The following IL17RD variants were observed in gnomAD, a reference collection of about 807,000 sequenced individuals.
The protein encoded by IL17RD is interleukin 17 receptor D, also known as interleukin-17 receptor D.
A neutral mutation model predicts 80.5 loss-of-function variants in IL17RD; 52 were observed. The observed-to-expected ratio is 0.65, with a 90% CI of 0.52 to 0.81. IL17RD has a LOEUF of 0.81. IL17RD is among the 40% of genes least tolerant of loss of function. The pLI, the probability that IL17RD is intolerant of heterozygous loss-of-function variation, is 0.00. For synonymous variants in IL17RD, 416 were observed against 391.8 expected, an observed-to-expected ratio of 1.06 and a Z score of -0.73; for missense variants, 1,024 against 955.1, an observed-to-expected ratio of 1.07 and a Z score of -0.95.
rs567835312 is a variant in IL17RD, at chr3:57,121,250, C to T, written c.127-937G>A. Among the ~76,000 whole-genome samples, 5 of 152,296 alleles carry T rather than the reference C, an allele frequency of 3.3e-5. No individual in the cohort carries two copies. The East Asian group carries it at 7.7e-4, about 24-fold the overall frequency. On this transcript the variant is annotated intron_variant, in intron 1 of 12. Transcript: ENST00000296318. ...GAAGGATGTTGGAGGGAACCATATG[C>T]GGGCAGCCTGGCATTTAATGGGTAA...
At chr3:57,105,552 A>AAAAAAAAATATATATATATAT in intron 7 of IL17RD, among the ~76,000 whole-genome samples, 3 of 63,586 alleles carry the variant, frequency 4.7e-5, no homozygotes, top group African/African-American at 2.8e-4. Context: ...AAAAAAAAAA[A>AAAAAAAAATATATATATATAT]ATATATATAT....
chr3:57,126,506 G>T (rs1707461727), intron 1 of IL17RD, among the ~76,000 whole-genome samples: 1 of 152,230 alleles, frequency 6.6e-6, no homozygotes, highest in African/African-American at 2.4e-5. Context: ...GAGGCCGGCA[G>T]CGGAGCAGGA....
At chr3:57,165,385 G>A (rs1315401136), upstream of IL17RD, 4 of 1,043,816 alleles carry the variant, frequency 3.8e-6, no homozygotes, top group Non-Finnish European at 3.6e-6. Flanking sequence ...CGGCGGCAGC[G>A]AAGGGGACCG....
chr3:57,094,337 G>A lies in IL17RD; in HGVS notation c.*2056C>T, dbSNP rs1201914206. The A allele has an allele frequency of 1.3e-5, 2 of 152,136 alleles. No individual in the cohort carries two copies. The highest frequency in any genetic ancestry group is 4.8e-5 in the African/African-American group (2 of 41,428). The allele number at this position is 152,136 out of a possible 1,614,324, so 9.4% of individuals were successfully genotyped here. On this transcript the variant is annotated 3_prime_UTR_variant, in exon 13 of 13. Transcript: ENST00000296318. ...TTGATTTTATTGATCAGAAACATTA[G>A]TATTTCAACATAAGTATCAAAACCC... is the stretch of plus-strand genomic sequence containing the variant.
rs760692099 is a variant in IL17RD at position 57,103,077 on chromosome 3, A to C, written c.868+14T>G. Reference sequence around the variant, plus strand: ...AGTAGTCTAGAGCCAAATTTCAAACAAAAAAGCACCTACCTGGCTTTAAGG... The same window carrying C: ...AGTAGTCTAGAGCCAAATTTCAAACCAAAAAGCACCTACCTGGCTTTAAGG... On this transcript the variant is annotated intron_variant, in intron 9 of 12. Transcript: ENST00000296318. The C allele has an allele frequency of 1.1e-5, 18 of 1,581,778 alleles. No homozygotes were observed. The African/African-American group carries it at 1.9e-4, about 17-fold the overall frequency.
In IL17RD at chr3:57,103,098, T is replaced by C. The variant is rs771583696; in HGVS notation, c.861A>G (p.Leu287=). 4.6e-5 allele frequency: 74 copies of C among 1,599,596 alleles called. No homozygotes were observed. The highest frequency in any genetic ancestry group is 6.1e-5 in the Non-Finnish European group (72 of 1,172,204). Residue 287 remains leucine, a synonymous_variant, in exon 9 of 13, where the codon TTA becomes TTG. Transcript: ENST00000296318. The stretch of plus-strand genomic sequence containing the variant: ...AAACAAAAAAGCACCTACCTGGCTT[T>C]AAGGCATAATGCATCACTTTTCTTG... ...NTTRKVMHYA[L]KPVHSPWAGP... is the part of the protein sequence containing the mutation.
chr3:57,116,575 A>G (rs1707221677), intron 2 of IL17RD, among the ~76,000 whole-genome samples: 5 of 152,076 alleles, frequency 3.3e-5, no homozygotes, highest in Admixed American at 2.6e-4. Flanking sequence ...GTGAGCCACC[A>G]TGCCTGGCCC....
At chr3:57,108,061 T>C (rs527651775) in intron 5 of IL17RD, among the ~76,000 whole-genome samples, 2 of 152,038 alleles carry the variant, frequency 1.3e-5, no homozygotes, top group South Asian at 4.2e-4. Context: ...TTTATTCCTT[T>C]TTTTTTTTTT....
In IL17RD at chr3:57,098,296, G is replaced by C; in HGVS notation, c.1407C>G (p.Ser469=). ...EKLRQAKQSS[S]AALSKFIAVY... ...CGGCGATAAACTTGCTGAGCGCCGC[G>C]GACGAACTCTGCTTGGCCTGGCGGA... is the stretch of plus-strand genomic sequence containing the variant. Residue 469 remains serine (S), a synonymous_variant, in exon 12 of 13, where the codon TCC becomes TCG. Transcript: ENST00000296318. The C allele has an allele frequency of 1.9e-6, 3 of 1,614,004 alleles. No homozygotes were observed. Among genetic ancestry groups the C allele is most frequent in the Non-Finnish European group, 1.7e-6 (2 of 1,179,894 alleles).
rs1279530398 is a variant in IL17RD at position 57,092,841 on chromosome 3, G to A, written c.*3552C>T. 1.3e-5 allele frequency: 2 copies of A among 152,126 alleles called. No homozygotes were observed. The highest frequency in any genetic ancestry group is 2.9e-5 in the Non-Finnish European group (2 of 68,050). 9.4% of individuals were successfully genotyped at this position (152,126 alleles called of 1,614,324 possible). A position where few individuals can be genotyped will look rare whatever the true frequency, so the allele number is the denominator to read the frequency against. On this transcript the variant is annotated 3_prime_UTR_variant, in exon 13 of 13. Transcript: ENST00000296318. ...GGCACCGTCTGTAATTACCATGAAT[G>A]CCTTTCCTTCAAATCTTATAAAGCA...
At chr3:57,127,271 TAAA>T (rs1238037623) in intron 1 of IL17RD, among the ~76,000 whole-genome samples, 6 of 91,250 alleles carry the variant, frequency 6.6e-5, no homozygotes, top group African/African-American at 2.2e-4. Context: ...TAAATATATA[TAAA>T]AATATATATA....
rs988215668 is a variant in IL17RD at position 57,165,309 on chromosome 3, G to A, written c.-23C>T. On this transcript the variant is annotated 5_prime_UTR_variant, in exon 1 of 13. Coordinates refer to ENST00000296318, the MANE Select transcript of IL17RD (RefSeq NM_017563.5). ...CATGGCCGTGCGCTCGCCCAGCCAG[G>A]CCGTTCTCTGCGCCCCGGCCGCCCG... 1.5e-6 allele frequency: 2 copies of A among 1,372,658 alleles called. No individual in the cohort carries two copies. Among genetic ancestry groups the A allele is most frequent in the Non-Finnish European group, 1.9e-6 (2 of 1,057,828 alleles). The allele number at this position is 1,372,658 out of a possible 1,614,324, so 85.0% of individuals were successfully genotyped here. A position where few individuals can be genotyped will look rare whatever the true frequency, so the allele number is the denominator to read the frequency against.
Position 57,098,108 on chromosome 3 carries a change from T to C in IL17RD, c.1595A>G (p.Asn532Ser), listed in dbSNP as rs745559159. Residue 532 changes from asparagine (N) to serine (S), a missense_variant, in exon 12 of 13, where the codon AAC becomes AGC. Asn to Ser is a conservative substitution (Grantham distance 46, BLOSUM62 1). Coordinates refer to ENST00000296318, the MANE Select transcript of IL17RD (RefSeq NM_017563.5). ...CCGGCCTGACTTGCTCCGGAAGTAG[T>C]TCCTTCTGCTGCCCTGTCGCGTGTG... Reference protein sequence around the residue: ...GQHTRQGSRRNYFRSKSGRSL... With the variant: ...GQHTRQGSRRSYFRSKSGRSL... 6 of 1,613,922 alleles carry C rather than the reference T, an allele frequency of 3.7e-6. 1 individual carries two copies. The South Asian group carries it at 6.6e-5, about 18-fold the overall frequency.
chr3:57,122,404 GTCCATGGCCTGT>G (rs1475711281), intron 1 of IL17RD, among the ~76,000 whole-genome samples: 5 of 152,232 alleles, frequency 3.3e-5, no homozygotes, highest in African/African-American at 1.2e-4. Flanking sequence ...ACTGGTCCTG[GTCCATGGCCTGT>G]TAGGAGCCAG....
intron 5 of IL17RD, among the ~76,000 whole-genome samples, chr3:57,107,305 G>A (rs147047281): frequency 0.029 from 4,399 of 152,010 alleles, 99 homozygotes; most frequent in Admixed American, 0.044. Flanking sequence ...CGTGAACCCC[G>A]GAGGCGGAGC....
At chr3:57,122,507 T>C (rs9876682) in intron 1 of IL17RD, among the ~76,000 whole-genome samples, 129,158 of 152,176 alleles carry the variant, frequency 0.85, 55,414 homozygotes, top group South Asian at 0.95. Context: ...ACTGGATTCT[T>C]ATAGGAGCAC....
intron 1 of IL17RD, 192 bp downstream of exon 1, chr3:57,164,969 T>C (rs2060336759): frequency 7.6e-7 from 1 of 1,318,282 alleles, no homozygotes; most frequent in East Asian, 3.3e-5. Flanking sequence ...CGCTTTCATC[T>C]CGGCCAGGGC....
In IL17RD at chr3:57,095,214, A is replaced by G. The variant is rs1470726622; in HGVS notation, c.*1179T>C. 1 of 152,268 alleles carries G rather than the reference A, an allele frequency of 6.6e-6. No individual in the cohort carries two copies. The highest frequency in any genetic ancestry group is 1.5e-5 in the Non-Finnish European group (1 of 68,050). The allele number at this position is 152,268 out of a possible 1,614,324, so 9.4% of individuals were successfully genotyped here. The stretch of plus-strand genomic sequence containing the variant: ...TACACACCTGCTCTAAGGCACAGGG[A>G]GAAGGGTTTCCACAGGGGAGACCAA... On this transcript the variant is annotated 3_prime_UTR_variant, in exon 13 of 13. Coordinates refer to ENST00000296318, the MANE Select transcript of IL17RD (RefSeq NM_017563.5).
chr3:57,157,326 C>T (rs758753674), intron 1 of IL17RD, among the ~76,000 whole-genome samples: 8 of 152,196 alleles, frequency 5.3e-5, no homozygotes, highest in East Asian at 1.9e-4. Flanking sequence ...GGAGAGAGGA[C>T]GGGGAGTGCT....
Sources: gnomAD v4.1 joint callset for allele counts (sites outside exome capture counted in the v4.1 genomes callset) on GRCh38, gnomAD v4.1.1 for gene constraint, MANE v1.5 for transcripts, NCBI Gene and HGNC (gene_info 2026-07-23, HGNC 2026-07-21) for gene names.